The following HECTD4 variants were observed in gnomAD, a reference collection of about 807,000 sequenced individuals.
HECTD4 encodes probable E3 ubiquitin-protein ligase HECTD4.
A neutral mutation model predicts 471.5 loss-of-function variants in HECTD4; 114 were observed. That is an observed-to-expected ratio of 0.24 (90% CI 0.21 to 0.28). The LOEUF (loss-of-function observed/expected upper bound fraction) is 0.28, where lower values mean the gene tolerates loss of function less well. HECTD4 is among the 10% of genes least tolerant of loss of function. The pLI, the probability that HECTD4 is intolerant of heterozygous loss-of-function variation, is 1.00. For missense variants in HECTD4, 3,866 were observed against 5,651.5 expected (o/e 0.68, Z 10.13); for synonymous variants, 2,012 against 2,256.0 (o/e 0.89, Z 3.07).
chr12:112,217,297 G>GCATACACACACACACACA lies in HECTD4; in HGVS notation c.7075-120_7075-103dup, dbSNP rs1372871298. 392 of 698,596 alleles carry GCATACACACACACACACA rather than the reference G, an allele frequency of 5.6e-4. 1 individual carries two copies. The African/African-American group carries it at 6.8e-3, about 12-fold the overall frequency. 43.3% of individuals were successfully genotyped at this position (698,596 alleles called of 1,614,324 possible). On this transcript the variant is annotated intron_variant, in intron 45 of 75. Transcript: ENST00000682272. ...TTTATCTGATGGTATTAAAATATAG[G>GCATACACACACACACACA]CATACACACACACACACACATACAC...
At chr12:112,216,516 C>T (rs945909485) in intron 47 of HECTD4, 145 bp from the exon 48 acceptor site, 4 of 681,066 alleles carry the variant, frequency 5.9e-6, no homozygotes, top group Non-Finnish European at 1.0e-5. Flanking sequence ...AAAATACCCA[C>T]ACCAATATTT....
rs2033293583 is a variant in HECTD4, at chr12:112,228,353, A to G, written c.6685-95T>C. The G allele has an allele frequency of 2.4e-6, 3 of 1,270,234 alleles. No individual in the cohort carries two copies. Among genetic ancestry groups the G allele is most frequent in the Non-Finnish European group, 3.1e-6 (3 of 967,480 alleles). 78.7% of individuals were successfully genotyped at this position (1,270,234 alleles called of 1,614,324 possible). ...ATTATTATCTGGAGTTAATTCTTAA[A>G]TTTTCAGTTAAAAAAATAAAATCAC... is the stretch of plus-strand genomic sequence containing the variant. On this transcript the variant is annotated intron_variant, in intron 42 of 75. Transcript: ENST00000682272. This position sits in a 1 kb window ranked among gnomAD's most constrained non-coding sequence, Gnocchi z 4.9.
Position 112,193,136 on chromosome 12 carries a change from T to G in HECTD4, c.9011A>C (p.Asn3004Thr), listed in dbSNP as rs769512371. The G allele has an allele frequency of 6.2e-7, 1 of 1,613,996 alleles. No individual in the cohort carries two copies. Among genetic ancestry groups the G allele is most frequent in the Non-Finnish European group, 8.5e-7 (1 of 1,179,884 alleles). ...TGCCCCGGGGAAATTCACGTCCATGTTGACTTTGGATTCGGAAATTGGGAA... is the reference window on the plus strand; with the variant it reads ...TGCCCCGGGGAAATTCACGTCCATGGTGACTTTGGATTCGGAAATTGGGAA... ...EEFPISESKV[N>T]MDVNFPGAAF... The change falls in exon 58 of 76, where the codon AAC (asparagine) becomes ACC (threonine). Residue 3004 changes from asparagine (N) to threonine (T), a missense_variant. Asn to Thr is a moderately conservative substitution (Grantham distance 65, BLOSUM62 0). Around this residue, in one of 16 missense-constraint regions of HECTD4, gnomAD observed 364 missense variants for 413.2 expected, o/e 0.88. Transcript: ENST00000682272. The surrounding 1 kb of genome is among the most constrained non-coding windows in gnomAD (Gnocchi z 5.2).
rs1270539171 is a variant in HECTD4 at position 112,295,809 on chromosome 12, A to AT, written c.1335+10254_1335+10255insA. On this transcript the variant is annotated intron_variant, in intron 7 of 75. Transcript: ENST00000682272. ...GACATGCACCATTAAATTAAAAAAA[A>AT]AATATATATATATATACACACACAC... Among the ~76,000 whole-genome samples the AT allele has an allele frequency of 8.8e-4, 125 of 141,918 alleles. 1 individual carries two copies. Among genetic ancestry groups the AT allele is most frequent in the African/African-American group, 1.4e-3 (50 of 36,198 alleles). 93.1% of individuals were successfully genotyped at this position (141,918 alleles called of 152,430 possible). A position where few individuals can be genotyped will look rare whatever the true frequency, so the allele number is the denominator to read the frequency against.
At chr12:112,232,898 T>G (rs1390368141) in intron 38 of HECTD4, 106 bp downstream of exon 38, 1 of 985,244 alleles carries the variant, frequency 1.0e-6, no homozygotes, top group Non-Finnish European at 1.5e-6. Flanking sequence ...TGCCTCTTCG[T>G]TGGAACTTGA....
chr12:112,206,820 G>A (rs1402965942), intron 52 of HECTD4, among the ~76,000 whole-genome samples: 1 of 152,154 alleles, frequency 6.6e-6, no homozygotes, highest in Non-Finnish European at 1.5e-5. Context: ...ACAGGCGTGA[G>A]CCACTATGCC....
In HECTD4 at chr12:112,228,559, G is replaced by C. The variant is rs2033298009; in HGVS notation, c.6684+88C>G. ...TACAATTTAAGATAATCAAGCATTT[G>C]TGCTTCTGCACTGAGCATGTGCATA... On this transcript the variant is annotated intron_variant, in intron 42 of 75. Transcript: ENST00000682272. The surrounding 1 kb of genome is among the most constrained non-coding windows in gnomAD (Gnocchi z 4.9). 1.7e-6 allele frequency: 2 copies of C among 1,154,388 alleles called. No homozygotes were observed. Among genetic ancestry groups the C allele is most frequent in the Non-Finnish European group, 2.4e-6 (2 of 823,650 alleles). The allele number at this position is 1,154,388 out of a possible 1,614,324, so 71.5% of individuals were successfully genotyped here.
At chr12:112,285,197 G>T (rs75482665) in intron 7 of HECTD4, among the ~76,000 whole-genome samples, 1 of 152,032 alleles carries the variant, frequency 6.6e-6, no homozygotes, top group African/African-American at 2.4e-5. Flanking sequence ...CTGTGCTGGC[G>T]AGTGAAGCCA....
intron 70 of HECTD4, among the ~76,000 whole-genome samples, chr12:112,169,301 C>G (rs990885689): frequency 1.3e-5 from 2 of 152,202 alleles, no homozygotes; most frequent in African/African-American, 4.8e-5. Context: ...CCAAGCCCAG[C>G]AGGGACTGGC....
Position 112,235,957 on chromosome 12 carries a change from C to T in HECTD4, c.5445-173G>A, listed in dbSNP as rs1331337330. ...AGAATTTTGGAAACATTTGATGAAA[C>T]CAAACAACACTAATACTTAAAAAGA... On this transcript the variant is annotated intron_variant, in intron 35 of 75. Coordinates refer to ENST00000682272, the MANE Select transcript of HECTD4 (RefSeq NM_001388303.1). The surrounding 1 kb of genome is among the most constrained non-coding windows in gnomAD (Gnocchi z 5.0). 6.6e-6 allele frequency among the ~76,000 whole-genome samples: 1 copy of T among 152,114 alleles called. No homozygotes were observed. The highest frequency in any genetic ancestry group is 1.5e-5 in the Non-Finnish European group (1 of 68,024).
At chr12:112,320,827 G>C (rs553709791) in intron 1 of HECTD4, among the ~76,000 whole-genome samples, 1 of 152,142 alleles carries the variant, frequency 6.6e-6, no homozygotes, top group Non-Finnish European at 1.5e-5. Context: ...GATTATTCAC[G>C]GTTCTTTGGT....
Position 112,185,211 on chromosome 12 carries a change from G to T in HECTD4, c.9755C>A (p.Thr3252Lys). ...CCCTTCCATGAGTGCATGAAAATAC[G>T]TAGAGAACCTGCCCTGGTCACCGGC... ...AAAGDQGRFS[T>K]YFHALMEGCL... is the part of the protein sequence containing the mutation. Residue 3252 changes from threonine to lysine, a missense_variant, in exon 61 of 76, where the codon ACG (threonine) becomes AAG (lysine). Thr to Lys is a moderately conservative substitution (Grantham distance 78). This residue lies in a region of HECTD4 where 364 missense variants were observed against 413.2 expected (regional missense o/e 0.88). Transcript: ENST00000682272. The T allele has an allele frequency of 6.4e-7, 1 of 1,551,430 alleles. No homozygotes were observed. Among genetic ancestry groups the T allele is most frequent in the Non-Finnish European group, 8.7e-7 (1 of 1,147,032 alleles).
At chr12:112,246,498 G>A (rs900358609) in intron 29 of HECTD4, among the ~76,000 whole-genome samples, 1 of 152,070 alleles carries the variant, frequency 6.6e-6, no homozygotes, top group African/African-American at 2.4e-5. Flanking sequence ...GACAGGCATG[G>A]TGGCATGCGC....
In HECTD4 at chr12:112,162,768, CTTTT is replaced by C. The variant is rs879206169; in HGVS notation, c.13121-249_13121-246del. 1.3e-5 allele frequency: 6 copies of C among 466,450 alleles called. No individual in the cohort carries two copies. Among genetic ancestry groups the C allele is most frequent in the Admixed American group, 3.9e-5 (1 of 25,378 alleles). 28.9% of individuals were successfully genotyped at this position (466,450 alleles called of 1,614,324 possible). On this transcript the variant is annotated intron_variant, in intron 75 of 75. Coordinates refer to ENST00000682272, the MANE Select transcript of HECTD4 (RefSeq NM_001388303.1). The surrounding 1 kb of genome is among the most constrained non-coding windows in gnomAD (Gnocchi z 5.2). ...GGTTTGTCTGCCCAGCAAATTGTTTCTTTTTTTTTTTTTTTAACCATTTTTCTGC... is the reference window on the plus strand; with the variant it reads ...GGTTTGTCTGCCCAGCAAATTGTTTCTTTTTTTTTTTAACCATTTTTCTGC...
rs964007037 is a variant in HECTD4 at position 112,279,295 on chromosome 12, T to C, written c.1620A>G (p.Pro540=). The C allele has an allele frequency of 2.5e-6, 4 of 1,612,990 alleles. No individual in the cohort carries two copies. The highest frequency in any genetic ancestry group is 1.3e-5 in the African/African-American group (1 of 74,890). The change falls in exon 9 of 76, where the codon CCA becomes CCG. Residue 540 remains proline (P), a synonymous_variant. Transcript: ENST00000682272. ...GTYLVMLVPP[P]GGSGSSATRS... ...GGGTGGCAGAGCTGCCTGATCCCCCTGGAGGAGGCACCAGCATCACCAAGT... is the reference window on the plus strand; with the variant it reads ...GGGTGGCAGAGCTGCCTGATCCCCCCGGAGGAGGCACCAGCATCACCAAGT...
At position 112,196,989 on chromosome 12, in the gene HECTD4, C is replaced by A. The variant is rs528312841; in HGVS notation, c.8568-1923G>T. Among the ~76,000 whole-genome samples, 9 of 151,948 alleles carry A rather than the reference C, an allele frequency of 5.9e-5. No individual in the cohort carries two copies. In the South Asian group the frequency reaches 1.7e-3, roughly 28 times the overall value. On this transcript the variant is annotated intron_variant, in intron 55 of 75. Transcript: ENST00000682272. ...TTTTGTATTTTTAGTAGAGACGGGG[C>A]CTTACCATGTCGGCTAGGCTGGTCT...
At chr12:112,345,540 T>C (rs1165457128) in intron 1 of HECTD4, among the ~76,000 whole-genome samples, 1 of 152,182 alleles carries the variant, frequency 6.6e-6, no homozygotes, top group East Asian at 1.9e-4. Flanking sequence ...TGGAAGTAAA[T>C]TCATGAAATA....
intron 7 of HECTD4, among the ~76,000 whole-genome samples, chr12:112,295,498 T>C (rs2135665362): frequency 1.3e-5 from 2 of 150,688 alleles, no homozygotes; most frequent in Admixed American, 6.6e-5. Flanking sequence ...CTGGCTAATA[T>C]TAATTTTTTT....
chr12:112,325,227 T>C (rs1414900518), intron 1 of HECTD4, among the ~76,000 whole-genome samples: 1 of 152,206 alleles, frequency 6.6e-6, no homozygotes, highest in Admixed American at 6.5e-5. Flanking sequence ...ATATTTAGCA[T>C]TCAATTTAAA....
Sources: gnomAD v4.1 joint callset for allele counts (sites outside exome capture counted in the v4.1 genomes callset) on GRCh38, gnomAD v4.1.1 for gene constraint, gnomAD v4.1.1 regional missense constraint, Gnocchi (gnomAD v3.1) non-coding constraint, MANE v1.5 for transcripts, NCBI Gene and HGNC (gene_info 2026-07-23, HGNC 2026-07-21) for gene names.